SCHIP1: variants seen among roughly 807,000 people sequenced by gnomAD.
SCHIP1 encodes the protein schwannomin-interacting protein 1.
A neutral mutation model predicts 29.7 loss-of-function variants in SCHIP1; 8 were observed. The ratio of observed to expected loss-of-function variants is 0.27; its 90% CI spans 0.16 to 0.49. The LOEUF (loss-of-function observed/expected upper bound fraction) is 0.49. Ranked by LOEUF, SCHIP1 falls within the 20% of genes least tolerant of loss-of-function variation. The pLI is 0.99. For synonymous variants in SCHIP1, 76 were observed against 94.9 expected, an observed-to-expected ratio of 0.80 and a Z score of 1.16; for missense variants, 193 against 294.6, an observed-to-expected ratio of 0.66 and a Z score of 2.52.
At chr3:159,658,717 C>A in the SCHIP1 span, among the ~76,000 whole-genome samples, 1 of 152,164 alleles carries the variant, frequency 6.6e-6, no homozygotes, top group Non-Finnish European at 1.5e-5. Context: ...CCTGGACATG[C>A]CACCCAAATA....
chr3:159,719,319 A>G, the SCHIP1 span, among the ~76,000 whole-genome samples: 1,262 of 152,342 alleles, frequency 8.3e-3, 13 homozygotes, highest in African/African-American at 0.029. Context: ...GGACATAGGC[A>G]TGGGCAAGGA....
At chr3:159,693,475 T>A in the SCHIP1 span, among the ~76,000 whole-genome samples, 16 of 152,238 alleles carry the variant, frequency 1.1e-4, no homozygotes, top group African/African-American at 3.6e-4. Flanking sequence ...AAAGGATTAA[T>A]TGGATCCTGA....
the SCHIP1 span, among the ~76,000 whole-genome samples, chr3:159,405,204 A>T: frequency 6.6e-6 from 1 of 152,174 alleles, no homozygotes; most frequent in Non-Finnish European, 1.5e-5. Flanking sequence ...CAAAGACTAC[A>T]GTAAATGCCT....
chr3:159,859,274 A>G (rs1713759397), intron 1 of SCHIP1, among the ~76,000 whole-genome samples: 1 of 152,238 alleles, frequency 6.6e-6, no homozygotes, highest in Non-Finnish European at 1.5e-5. Flanking sequence ...GAAAATAACT[A>G]GAAAGTACTA....
the SCHIP1 span, among the ~76,000 whole-genome samples, chr3:159,607,014 T>C: frequency 6.6e-6 from 1 of 152,254 alleles, no homozygotes; most frequent in African/African-American, 2.4e-5. Flanking sequence ...ATGGTCATTC[T>C]ACTTTTGAAC....
At chr3:159,343,371 T>C in the SCHIP1 span, among the ~76,000 whole-genome samples, 55 of 152,346 alleles carry the variant, frequency 3.6e-4, no homozygotes, top group African/African-American at 1.2e-3. Flanking sequence ...CCAAACTCAA[T>C]GCTTTCAACA....
chr3:159,660,824 G>A, the SCHIP1 span, among the ~76,000 whole-genome samples: 3 of 152,230 alleles, frequency 2.0e-5, no homozygotes, highest in Non-Finnish European at 4.4e-5. Context: ...TTGGCCCAAA[G>A]GGATTAGAAC....
At chr3:159,601,095 A>G in the SCHIP1 span, among the ~76,000 whole-genome samples, 1 of 152,168 alleles carries the variant, frequency 6.6e-6, no homozygotes, top group Non-Finnish European at 1.5e-5. Context: ...GGTGGTGTAC[A>G]CTGGCATTTG....
chr3:159,321,535 A>G, the SCHIP1 span, among the ~76,000 whole-genome samples: 1 of 152,166 alleles, frequency 6.6e-6, no homozygotes, highest in Non-Finnish European at 1.5e-5. Flanking sequence ...ATTGAAGTAT[A>G]AAGCAGTGGA....
chr3:159,447,342 A>G, the SCHIP1 span, among the ~76,000 whole-genome samples: 2 of 152,240 alleles, frequency 1.3e-5, no homozygotes, highest in African/African-American at 4.8e-5. Flanking sequence ...GATCAGAATC[A>G]TGATCCAAAA....
At chr3:159,643,575 G>C in the SCHIP1 span, among the ~76,000 whole-genome samples, 164 of 152,174 alleles carry the variant, frequency 1.1e-3, no homozygotes, top group African/African-American at 3.8e-3. Flanking sequence ...CATGGCATGA[G>C]GAAAGAGATT....
chr3:159,391,995 ACT>A, the SCHIP1 span, among the ~76,000 whole-genome samples: 1 of 152,086 alleles, frequency 6.6e-6, no homozygotes, highest in Non-Finnish European at 1.5e-5. Flanking sequence ...TTAGAGCGAG[ACT>A]CTGGCAACCT....
At chr3:159,415,427 T>G in the SCHIP1 span, among the ~76,000 whole-genome samples, 2 of 152,214 alleles carry the variant, frequency 1.3e-5, no homozygotes, top group Admixed American at 6.5e-5. Context: ...AACAGTCATC[T>G]TTCTACTCTT....
intron 1 of SCHIP1, among the ~76,000 whole-genome samples, chr3:159,858,092 G>T (rs1713605162): frequency 6.6e-6 from 1 of 152,208 alleles, no homozygotes; most frequent in Non-Finnish European, 1.5e-5. Context: ...TGGGACTGTT[G>T]TGTTCCTGTC....
chr3:159,835,565 T>TG (rs142612965), upstream of SCHIP1, among the ~76,000 whole-genome samples: 102 of 152,386 alleles, frequency 6.7e-4, 1 homozygote, highest in East Asian at 0.019. Context: ...CATCAGTAAG[T>TG]GCCCTAAATA....
the SCHIP1 span, among the ~76,000 whole-genome samples, chr3:159,734,813 T>TG: frequency 6.9e-6 from 1 of 144,182 alleles, no homozygotes; most frequent in African/African-American, 2.7e-5. Context: ...TTTTTTTCTA[T>TG]TGCCTGGGAA....
chr3:159,540,956 C>G, the SCHIP1 span, among the ~76,000 whole-genome samples: 1 of 152,032 alleles, frequency 6.6e-6, no homozygotes, highest in South Asian at 2.1e-4. Flanking sequence ...CCTTTAATAA[C>G]TAACACTAAC....
chr3:159,830,717 G>A, the SCHIP1 span, among the ~76,000 whole-genome samples: 1 of 152,190 alleles, frequency 6.6e-6, no homozygotes, highest in South Asian at 2.1e-4. Flanking sequence ...TCTATAGTGT[G>A]GGAAATGACC....
At chr3:159,529,963 C>A in the SCHIP1 span, among the ~76,000 whole-genome samples, 3 of 152,160 alleles carry the variant, frequency 2.0e-5, no homozygotes, top group African/African-American at 4.8e-5. Flanking sequence ...GAATAGTATT[C>A]TATTCTGAAT....
Sources: gnomAD v4.1 joint callset for allele counts (sites outside exome capture counted in the v4.1 genomes callset) on GRCh38, gnomAD v4.1.1 for gene constraint, MANE v1.5 for transcripts, NCBI Gene and HGNC (gene_info 2026-07-23, HGNC 2026-07-21) for gene names.